Variants in TNFSF4 observed in about 807,000 individuals in gnomAD.
The protein encoded by TNFSF4 is tumor necrosis factor ligand superfamily member 4.
A neutral mutation model predicts 7.3 loss-of-function variants in TNFSF4; 4 were observed. The observed-to-expected ratio is 0.55, with a 90% confidence interval of 0.27 to 1.25. The LOEUF is 1.25. Among genes scored for constraint, TNFSF4 ranks in the 50% most tolerant of loss-of-function variants. TNFSF4 has a pLI of 0.12. For synonymous variants in TNFSF4, 76 were observed against 83.7 expected (o/e 0.91, Z 0.50); for missense variants, 181 against 208.8 (o/e 0.87, Z 0.82).
chr1:173,398,175 A>T, the TNFSF4 span, among the ~76,000 whole-genome samples: 6 of 152,154 alleles, frequency 3.9e-5, no homozygotes, highest in Non-Finnish European at 8.8e-5. Flanking sequence ...TTTGTCATAC[A>T]TAACTTAGTT....
At chr1:173,212,636 C>A in the TNFSF4 span, among the ~76,000 whole-genome samples, 1 of 150,422 alleles carries the variant, frequency 6.6e-6, no homozygotes, top group Admixed American at 6.6e-5. Context: ...AATAGGGTGA[C>A]TATAGTCAAT....
At chr1:173,366,529 ATAGT>A in the TNFSF4 span, among the ~76,000 whole-genome samples, 1 of 152,188 alleles carries the variant, frequency 6.6e-6, no homozygotes, top group Admixed American at 6.5e-5. Flanking sequence ...ACAAAAAAAA[ATAGT>A]TAGAAAAAAC....
At chr1:173,298,703 A>G in the TNFSF4 span, among the ~76,000 whole-genome samples, 1 of 151,888 alleles carries the variant, frequency 6.6e-6, no homozygotes, top group Non-Finnish European at 1.5e-5. Context: ...AGGCCTTTAC[A>G]AGCATTTTGT....
At chr1:173,350,003 T>C in the TNFSF4 span, among the ~76,000 whole-genome samples, 2 of 152,182 alleles carry the variant, frequency 1.3e-5, no homozygotes, top group Admixed American at 6.5e-5. Context: ...AAGTAGAACA[T>C]TGTATAGCAT....
chr1:173,239,225 T>C, the TNFSF4 span, among the ~76,000 whole-genome samples: 1 of 152,230 alleles, frequency 6.6e-6, no homozygotes, highest in Non-Finnish European at 1.5e-5. Flanking sequence ...GGAACAAAAA[T>C]CTGCTGGCCC....
At chr1:173,326,606 A>C in the TNFSF4 span, among the ~76,000 whole-genome samples, 2 of 152,314 alleles carry the variant, frequency 1.3e-5, no homozygotes, top group Non-Finnish European at 1.5e-5. Context: ...ATGATTGTAT[A>C]TCTAGAAAAC....
At chr1:173,359,510 T>A in the TNFSF4 span, among the ~76,000 whole-genome samples, 2 of 122,742 alleles carry the variant, frequency 1.6e-5, no homozygotes, top group Non-Finnish European at 3.4e-5. Context: ...TTACCAGCTG[T>A]AAAAAAAAAA....
the TNFSF4 span, among the ~76,000 whole-genome samples, chr1:173,224,753 A>G: frequency 2.0e-5 from 3 of 152,160 alleles, no homozygotes; most frequent in African/African-American, 7.2e-5. Flanking sequence ...GAGTAATGCA[A>G]TTAAACTGGG....
At chr1:173,268,214 G>T in the TNFSF4 span, among the ~76,000 whole-genome samples, 1 of 152,080 alleles carries the variant, frequency 6.6e-6, no homozygotes, top group Non-Finnish European at 1.5e-5. Context: ...CCTTCAGACA[G>T]AAAAGAAGGG....
the TNFSF4 span, among the ~76,000 whole-genome samples, chr1:173,389,193 G>C: frequency 6.6e-6 from 1 of 152,110 alleles, no homozygotes; most frequent in Non-Finnish European, 1.5e-5. Context: ...CATGCTGCAT[G>C]TTTTACCTTC....
the TNFSF4 span, among the ~76,000 whole-genome samples, chr1:173,309,749 C>T: frequency 6.6e-6 from 1 of 151,754 alleles, no homozygotes; most frequent in Admixed American, 6.6e-5. Context: ...TTTATGTAAA[C>T]CTGGCATTAT....
the TNFSF4 span, among the ~76,000 whole-genome samples, chr1:173,329,313 T>C: frequency 6.6e-6 from 1 of 152,194 alleles, no homozygotes; most frequent in Non-Finnish European, 1.5e-5. Context: ...AGATTACCTA[T>C]ACTACCTAAT....
the TNFSF4 span, among the ~76,000 whole-genome samples, chr1:173,450,421 TG>T: frequency 3.9e-5 from 6 of 152,106 alleles, no homozygotes; most frequent in Admixed American, 3.9e-4. Flanking sequence ...ACTTCTCAAT[TG>T]ATTTTATGAG....
the TNFSF4 span, among the ~76,000 whole-genome samples, chr1:173,307,594 T>C: frequency 6.6e-6 from 1 of 151,968 alleles, no homozygotes; most frequent in Non-Finnish European, 1.5e-5. Context: ...CTATGTTAAA[T>C]TTTCTGAATG....
At chr1:173,237,188 T>C in the TNFSF4 span, among the ~76,000 whole-genome samples, 2 of 152,210 alleles carry the variant, frequency 1.3e-5, no homozygotes, top group Non-Finnish European at 2.9e-5. Flanking sequence ...GAATTGTGCG[T>C]CCATTAAACC....
At chr1:173,418,182 C>G in the TNFSF4 span, 1 of 152,282 alleles carries the variant, frequency 6.6e-6, no homozygotes, top group Non-Finnish European at 1.5e-5. Context: ...TAGGTATTCT[C>G]AACACCTCCA....
At chr1:173,322,290 G>A in the TNFSF4 span, among the ~76,000 whole-genome samples, 72,824 of 151,808 alleles carry the variant, frequency 0.48, 18,960 homozygotes, top group African/African-American at 0.69. Flanking sequence ...ACAGAGGGAA[G>A]CGTCTAGGTT....
chr1:173,442,364 C>T, the TNFSF4 span, among the ~76,000 whole-genome samples: 6 of 152,170 alleles, frequency 3.9e-5, no homozygotes, highest in Admixed American at 3.9e-4. Flanking sequence ...GCTCCCCCAA[C>T]TCCTCCCCAG....
At chr1:173,274,142 C>CACACACACACACAG in the TNFSF4 span, among the ~76,000 whole-genome samples, 1 of 151,920 alleles carries the variant, frequency 6.6e-6, no homozygotes. Flanking sequence ...CACACACACA[C>CACACACACACACAG]ACACACACAC....
Sources: gnomAD v4.1 joint callset for allele counts (sites outside exome capture counted in the v4.1 genomes callset) on GRCh38, gnomAD v4.1.1 for gene constraint, MANE v1.5 for transcripts, NCBI Gene and HGNC (gene_info 2026-07-23, HGNC 2026-07-21) for gene names.